Variants in KLHL20 observed in about 807,000 individuals in gnomAD.
KLHL20 encodes the protein kelch like family member 20.
Under a neutral mutation model 69.5 loss-of-function variants are expected in KLHL20, and 29 were observed. The observed-to-expected ratio is 0.42, with a 90% confidence interval of 0.31 to 0.57. The LOEUF is 0.57. Ranked by LOEUF, KLHL20 falls within the 20% of genes least tolerant of loss-of-function variation. The pLI, the probability that KLHL20 is intolerant of heterozygous loss-of-function variation, is 0.18. For synonymous variants in KLHL20, 253 were observed against 265.2 expected (o/e 0.95, Z 0.45); for missense variants, 419 against 776.0 (o/e 0.54, Z 5.47).
intron 11 of KLHL20, 72 bp downstream of exon 11, chr1:173,782,302 C>A (rs912095335): frequency 2.7e-6 from 3 of 1,107,958 alleles, no homozygotes; most frequent in Admixed American, 1.7e-5. Flanking sequence ...TAGCCTATGA[C>A]CATCAGAACT....
intron 9 of KLHL20, 142 bp downstream of exon 9, chr1:173,774,580 C>A: frequency 1.3e-6 from 1 of 780,632 alleles, no homozygotes; most frequent in Non-Finnish European, 2.1e-6. Flanking sequence ...CAGAGTGCAG[C>A]TCTCAGCTCT....
chr1:173,735,936 CTT>C (rs769632286), intron 3 of KLHL20, among the ~76,000 whole-genome samples: 1,463 of 105,930 alleles, frequency 0.014, 10 homozygotes, highest in Non-Finnish European at 0.021. Context: ...GCCATTCTAT[CTT>C]TTTTTTTTTT....
chr1:173,734,410 G>C, intron 3 of KLHL20, 124 bp downstream of exon 3: 1 of 846,896 alleles, frequency 1.2e-6, no homozygotes, highest in Non-Finnish European at 1.9e-6. Flanking sequence ...AAATAAATAA[G>C]TTATTATAAA....
intron 2 of KLHL20, among the ~76,000 whole-genome samples, chr1:173,731,410 A>C (rs1054962316): frequency 6.6e-6 from 1 of 152,184 alleles, no homozygotes; most frequent in African/African-American, 2.4e-5. Flanking sequence ...ATAAAGACAC[A>C]TGCACACGTA....
intron 2 of KLHL20, among the ~76,000 whole-genome samples, chr1:173,724,147 C>T (rs1013111658): frequency 1.3e-5 from 2 of 151,228 alleles, no homozygotes; most frequent in Non-Finnish European, 2.9e-5. Context: ...TACACATACA[C>T]ATACATGATA....
intron 3 of KLHL20, among the ~76,000 whole-genome samples, chr1:173,749,916 C>T (rs1409982545): frequency 6.6e-6 from 1 of 152,102 alleles, no homozygotes; most frequent in Non-Finnish European, 1.5e-5. Flanking sequence ...AGCTAAGCCC[C>T]AAATTTAGCG....
intron 10 of KLHL20, 141 bp downstream of exon 10, chr1:173,775,983 A>G (rs1648439585): frequency 5.9e-6 from 4 of 679,444 alleles, no homozygotes; most frequent in South Asian, 3.8e-5. Context: ...TTGCTGGATC[A>G]TATGATATTT....
chr1:173,761,078 G>C (rs996122619), intron 7 of KLHL20, among the ~76,000 whole-genome samples: 2 of 152,158 alleles, frequency 1.3e-5, no homozygotes, highest in African/African-American at 2.4e-5. Flanking sequence ...GCGAGCAGGG[G>C]TAGCTCTTCT....
intron 2 of KLHL20, among the ~76,000 whole-genome samples, chr1:173,724,514 T>C (rs1253827790): frequency 6.6e-6 from 1 of 152,230 alleles, no homozygotes; most frequent in Non-Finnish European, 1.5e-5. Flanking sequence ...AGATTGTCTT[T>C]TCTCTGCATG....
chr1:173,781,449 G>A (rs948457983), intron 10 of KLHL20, among the ~76,000 whole-genome samples: 2 of 151,958 alleles, frequency 1.3e-5, no homozygotes, highest in Admixed American at 6.6e-5. Flanking sequence ...CCAAGTAGCC[G>A]GGACTACAGG....
In KLHL20 at chr1:173,733,844, G is replaced by T. The variant is rs1021451042; in HGVS notation, c.155G>T (p.Arg52Leu). The change falls in exon 3 of 12, where the codon CGA becomes CTA. Residue 52 changes from arginine (R) to leucine (L), a missense_variant. Arg to Leu is a moderately radical substitution (Grantham distance 102). Coordinates refer to ENST00000209884, the MANE Select transcript of KLHL20 (RefSeq NM_014458.4). ...CCCTATATCTCAGACAAGCACCCTC[G>T]ACAAACCTTGGAAGTGATTAACCTT... ...RMPYISDKHP[R>L]QTLEVINLLR... The T allele has an allele frequency of 1.2e-6, 2 of 1,614,060 alleles. No individual in the cohort carries two copies. Among genetic ancestry groups the T allele is most frequent in the South Asian group, 2.2e-5 (2 of 91,060 alleles).
chr1:173,782,907 A>G (rs769676770), intron 11 of KLHL20, among the ~76,000 whole-genome samples: 6 of 152,342 alleles, frequency 3.9e-5, no homozygotes, highest in Non-Finnish European at 7.4e-5. Flanking sequence ...CAAACTTAGC[A>G]AAATTCTCTT....
Position 173,751,864 on chromosome 1 carries a change from A to G in KLHL20, c.698A>G (p.Asn233Ser), listed in dbSNP as rs200146196. 308 of 1,614,070 alleles carry G rather than the reference A, an allele frequency of 1.9e-4. 3 individuals carry two copies. In the South Asian group the frequency reaches 2.9e-3, roughly 15 times the overall value. Residue 233 changes from asparagine (N) to serine (S), a missense_variant, in exon 4 of 12, where the codon AAT (asparagine) becomes AGT (serine). Transcript: ENST00000209884. ...LNVRSEEQVFNAVMAWVKYSI... is the reference protein window; with the variant it reads ...LNVRSEEQVFSAVMAWVKYSI... ...GTTCGCAGTGAAGAACAAGTGTTCA[A>G]TGCAGTGATGGCCTGGGTCAAATAC...
At chr1:173,732,075 T>A (rs1431362207) in intron 2 of KLHL20, among the ~76,000 whole-genome samples, 3 of 151,970 alleles carry the variant, frequency 2.0e-5, no homozygotes, top group Admixed American at 1.3e-4. Flanking sequence ...CACATGCCTG[T>A]AGTCCCAGCT....
intron 7 of KLHL20, among the ~76,000 whole-genome samples, chr1:173,759,058 G>A (rs1673680417): frequency 6.6e-6 from 1 of 152,168 alleles, no homozygotes; most frequent in Non-Finnish European, 1.5e-5. Flanking sequence ...ATGGGAGTGA[G>A]ACCAGCCCTT....
chr1:173,726,530 G>A (rs937502433), intron 2 of KLHL20, among the ~76,000 whole-genome samples: 1 of 152,064 alleles, frequency 6.6e-6, no homozygotes, highest in East Asian at 1.9e-4. Context: ...TCCAACGGAC[G>A]GGTACTCCTC....
At chr1:173,739,444 A>G (rs1558193336) in intron 3 of KLHL20, among the ~76,000 whole-genome samples, 2 of 151,262 alleles carry the variant, frequency 1.3e-5, no homozygotes, top group African/African-American at 4.9e-5. Context: ...TTTGTTAGCA[A>G]TTTTTTTTAT....
At chr1:173,743,698 G>T (rs1672937019) in intron 3 of KLHL20, among the ~76,000 whole-genome samples, 1 of 151,966 alleles carries the variant, frequency 6.6e-6, no homozygotes, top group Non-Finnish European at 1.5e-5. Context: ...GTAGGTTCTG[G>T]TTTATCCGTC....
intron 11 of KLHL20, among the ~76,000 whole-genome samples, chr1:173,784,180 G>A (rs185698949): frequency 1.3e-5 from 2 of 152,308 alleles, no homozygotes; most frequent in Admixed American, 1.3e-4. Context: ...AAGTGCTGTG[G>A]CAAATATCAA....
Sources: allele counts gnomAD v4.1 joint callset (sites outside exome capture counted in the v4.1 genomes callset), GRCh38; gene constraint gnomAD v4.1.1; transcripts MANE v1.5; gene names NCBI Gene and HGNC (gene_info 2026-07-23, HGNC 2026-07-21).